DPP10: variants seen among roughly 807,000 people sequenced by gnomAD.
DPP10 encodes dipeptidyl peptidase like 10, also known as inactive dipeptidyl peptidase 10.
In DPP10, 33 loss-of-function variants were observed where a neutral mutation model predicts 120.9. The ratio of observed to expected loss-of-function variants is 0.27; its 90% CI spans 0.21 to 0.37. The LOEUF (loss-of-function observed/expected upper bound fraction) is 0.37, where lower values mean the gene tolerates loss of function less well. DPP10 is among the 10% of genes least tolerant of loss of function. The probability of loss-of-function intolerance (pLI) is 1.00; values close to 1 mark genes in which losing one functional copy is unlikely to be tolerated. For synonymous variants in DPP10, 337 were observed against 326.1 expected, an observed-to-expected ratio of 1.03 and a Z score of -0.36; for missense variants, 816 against 942.8, an observed-to-expected ratio of 0.87 and a Z score of 1.76.
At chr2:115,525,877 G>C in intron 4 of DPP10, 21 bp from the exon 5 acceptor site, 1 of 1,561,998 alleles carries the variant, frequency 6.4e-7, no homozygotes. Flanking sequence ...AAATATAACT[G>C]GTTTTTTTTT....
At chr2:115,788,766 G>A (rs1336786964) in intron 17 of DPP10, among the ~76,000 whole-genome samples, 2 of 152,134 alleles carry the variant, frequency 1.3e-5, no homozygotes, top group African/African-American at 4.8e-5. Flanking sequence ...AGTTTCACTG[G>A]TGCATTTTAT....
intron 1 of DPP10, among the ~76,000 whole-genome samples, chr2:114,929,279 G>C (rs945859611): frequency 6.6e-6 from 1 of 152,114 alleles, no homozygotes; most frequent in Non-Finnish European, 1.5e-5. Context: ...TGCTGCGCAC[G>C]CATTATCATT....
intron 4 of DPP10, among the ~76,000 whole-genome samples, chr2:115,520,867 CA>C (rs1329739534): frequency 6.6e-6 from 1 of 152,090 alleles, no homozygotes; most frequent in African/African-American, 2.4e-5. Flanking sequence ...ATGTTTCTGA[CA>C]AAAGTGAATC....
At chr2:115,462,494 C>T (rs1457702032) in intron 3 of DPP10, among the ~76,000 whole-genome samples, 1 of 152,068 alleles carries the variant, frequency 6.6e-6, no homozygotes, top group Non-Finnish European at 1.5e-5. Flanking sequence ...GTATGACACA[C>T]CTCCATGGTA....
intron 1 of DPP10, among the ~76,000 whole-genome samples, chr2:115,304,547 A>G (rs1338468552): frequency 6.6e-6 from 1 of 152,074 alleles, no homozygotes; most frequent in Non-Finnish European, 1.5e-5. Context: ...CAATATCTCA[A>G]TGATTTTTCC....
At chr2:115,603,566 T>TTG (rs2083492111) in intron 5 of DPP10, among the ~76,000 whole-genome samples, 2 of 100,752 alleles carry the variant, frequency 2.0e-5, no homozygotes, top group African/African-American at 1.1e-4. Flanking sequence ...TGTTGTTTTT[T>TTG]TTTGTTTTTT....
At chr2:114,789,859 C>T (rs530548390) in intron 1 of DPP10, among the ~76,000 whole-genome samples, 23 of 152,240 alleles carry the variant, frequency 1.5e-4, no homozygotes, top group South Asian at 4.1e-4. Flanking sequence ...TCCAGTGAGT[C>T]GGATTAGTTT....
intron 1 of DPP10, among the ~76,000 whole-genome samples, chr2:114,897,079 A>G (rs554076800): frequency 6.6e-6 from 1 of 152,284 alleles, no homozygotes; most frequent in East Asian, 1.9e-4. Context: ...CATCCCAGGG[A>G]TGAAGCCCAC....
rs551229604 is a variant in DPP10 at position 115,161,945 on chromosome 2, G to T, written c.61-147294G>T. ...CCCGCGAGGAAGCGAGCGCCAGCGC[G>T]GGCCGCCGGCGATGACGGCCGCGAA... On this transcript the variant is annotated intron_variant, in intron 1 of 25. Transcript: ENST00000410059. The T allele has an allele frequency of 5.8e-3, 8,320 of 1,439,792 alleles. 30 individuals are homozygous for T. Among genetic ancestry groups the T allele is most frequent in the Non-Finnish European group, 7.0e-3 (7,660 of 1,101,664 alleles). 89.2% of individuals were successfully genotyped at this position (1,439,792 alleles called of 1,614,324 possible).
intron 1 of DPP10, among the ~76,000 whole-genome samples, chr2:114,987,864 C>T (rs2104905030): frequency 7.2e-6 from 1 of 138,272 alleles, no homozygotes; most frequent in South Asian, 2.3e-4. Context: ...AGGGCAGTGG[C>T]TCGATCTCGG....
intron 1 of DPP10, among the ~76,000 whole-genome samples, chr2:115,011,601 A>AT (rs201439926): frequency 1.7e-3 from 251 of 151,476 alleles, no homozygotes; most frequent in African/African-American, 2.5e-3. Flanking sequence ...CATAGTTTGT[A>AT]TTTTTTTTTA....
intron 3 of DPP10, among the ~76,000 whole-genome samples, chr2:115,384,784 A>C (rs1244395692): frequency 6.6e-6 from 1 of 152,194 alleles, no homozygotes; most frequent in African/African-American, 2.4e-5. Context: ...TTCTGCCCCA[A>C]AGCAAGTGGT....
At chr2:114,892,501 T>C (rs1012690662) in intron 1 of DPP10, among the ~76,000 whole-genome samples, 1 of 152,208 alleles carries the variant, frequency 6.6e-6, no homozygotes, top group Non-Finnish European at 1.5e-5. Context: ...TCCAGCTTGT[T>C]ATCTCCCAAC....
intron 1 of DPP10, among the ~76,000 whole-genome samples, chr2:114,855,937 A>T (rs1486045154): frequency 7.3e-6 from 1 of 137,808 alleles, no homozygotes; most frequent in Non-Finnish European, 1.6e-5. Context: ...ATCTTCAGGC[A>T]TCCCTCAGGC....
chr2:115,543,236 G>A (rs917723477), intron 5 of DPP10, among the ~76,000 whole-genome samples: 1 of 151,960 alleles, frequency 6.6e-6, no homozygotes, highest in South Asian at 2.1e-4. Context: ...GAAAATTCCG[G>A]TCTTCCGGTC....
At chr2:115,009,431 G>A (rs1394650017) in intron 1 of DPP10, among the ~76,000 whole-genome samples, 1 of 151,912 alleles carries the variant, frequency 6.6e-6, no homozygotes, top group Non-Finnish European at 1.5e-5. Flanking sequence ...CTGTTGTGGG[G>A]TGGGGGTTGG....
intron 5 of DPP10, among the ~76,000 whole-genome samples, chr2:115,670,515 C>T (rs912143338): frequency 2.6e-5 from 4 of 152,154 alleles, no homozygotes; most frequent in South Asian, 4.1e-4. Context: ...GAGTAAAAAG[C>T]ATTGTCTTTT....
chr2:115,185,887 A>G (rs1237053998), intron 1 of DPP10, among the ~76,000 whole-genome samples: 1 of 152,216 alleles, frequency 6.6e-6, no homozygotes, highest in Non-Finnish European at 1.5e-5. Flanking sequence ...GTGTTGTGCT[A>G]GAGTTCTCCA....
chr2:115,213,441 A>G (rs1375965434), intron 1 of DPP10, among the ~76,000 whole-genome samples: 2 of 152,138 alleles, frequency 1.3e-5, no homozygotes, highest in Non-Finnish European at 2.9e-5. Context: ...GTTTTGTCTT[A>G]TATCAGGTAT....
Sources: allele counts gnomAD v4.1 joint callset (sites outside exome capture counted in the v4.1 genomes callset), GRCh38; gene constraint gnomAD v4.1.1; transcripts MANE v1.5; gene names NCBI Gene and HGNC (gene_info 2026-07-23, HGNC 2026-07-21).